KLHL29: variants seen among roughly 807,000 people sequenced by gnomAD.
The protein encoded by KLHL29 is kelch-like protein 29.
Under a neutral mutation model 80.4 loss-of-function variants are expected in KLHL29, and 21 were observed. The observed-to-expected ratio is 0.26, with a 90% confidence interval of 0.19 to 0.38. The LOEUF (loss-of-function observed/expected upper bound fraction) is 0.38. KLHL29 is among the 10% of genes least tolerant of loss of function. The pLI is 1.00. For synonymous variants in KLHL29, 511 were observed against 526.8 expected (o/e 0.97, Z 0.41); for missense variants, 867 against 1,223.9 (o/e 0.71, Z 4.35).
At chr2:23,549,512 G>A (rs538497705) in intron 2 of KLHL29, among the ~76,000 whole-genome samples, 2 of 151,816 alleles carry the variant, frequency 1.3e-5, no homozygotes, top group Non-Finnish European at 2.9e-5. Context: ...GAATAAAGAC[G>A]ATGAAAATCT....
intron 1 of KLHL29, among the ~76,000 whole-genome samples, chr2:23,434,546 C>T (rs558082942): frequency 6.6e-6 from 1 of 152,222 alleles, no homozygotes; most frequent in South Asian, 2.1e-4. Flanking sequence ...TGGAAGTTCT[C>T]CTGATTTCAA....
At chr2:23,549,455 G>C (rs1667066440) in intron 2 of KLHL29, among the ~76,000 whole-genome samples, 1 of 151,952 alleles carries the variant, frequency 6.6e-6, no homozygotes, top group Non-Finnish European at 1.5e-5. Context: ...CTCTGGTCTG[G>C]GCTTCTTTTT....
intron 5 of KLHL29, among the ~76,000 whole-genome samples, chr2:23,663,249 C>CAAGCAACCCAGAAGT (rs1346158695): frequency 1.3e-5 from 2 of 152,256 alleles, no homozygotes; most frequent in Non-Finnish European, 2.9e-5. Flanking sequence ...GGCCCAGTAG[C>CAAGCAACCCAGAAGT]AAGCAACCCA....
chr2:23,589,574 C>T (rs76777644), intron 3 of KLHL29, among the ~76,000 whole-genome samples: 2,020 of 152,334 alleles, frequency 0.013, 27 homozygotes, highest in Middle Eastern at 0.02. Context: ...CCAAGTTGAG[C>T]GGCCTTGGCC....
At chr2:23,658,898 C>T (rs994457674) in intron 5 of KLHL29, among the ~76,000 whole-genome samples, 37 of 152,162 alleles carry the variant, frequency 2.4e-4, no homozygotes, top group African/African-American at 8.7e-4. Flanking sequence ...TGTGACATCC[C>T]GGTTTTCTGG....
intron 5 of KLHL29, among the ~76,000 whole-genome samples, chr2:23,649,552 C>T (rs1005733862): frequency 2.0e-5 from 3 of 152,232 alleles, no homozygotes; most frequent in African/African-American, 4.8e-5. Context: ...CCCCTGGCTG[C>T]CCCAGCCTGC....
chr2:23,691,911 AAG>A, intron 7 of KLHL29, 35 bp downstream of exon 7: 8 of 1,536,446 alleles, frequency 5.2e-6, no homozygotes, highest in Non-Finnish European at 6.1e-6. Flanking sequence ...GCTTGGGGGG[AAG>A]AGTGCAGATG....
Position 23,696,592 on chromosome 2 carries a change from A to C in KLHL29, c.2105+79A>C. On this transcript the variant is annotated intron_variant, in intron 11 of 13. Coordinates refer to ENST00000486442, the MANE Select transcript of KLHL29 (RefSeq NM_052920.2). The surrounding 1 kb of genome is among the most constrained non-coding windows in gnomAD (Gnocchi z 5.5). ...AATCACGTCACTCACTGTACCTCCC[A>C]ACACCCACTCAGTGGCGATGGAGCA... The C allele has an allele frequency of 8.6e-7, 1 of 1,161,432 alleles. No individual in the cohort carries two copies. The highest frequency in any genetic ancestry group is 1.2e-6 in the Non-Finnish European group (1 of 830,472). The allele number at this position is 1,161,432 out of a possible 1,614,324, so 71.9% of individuals were successfully genotyped here.
intron 3 of KLHL29, among the ~76,000 whole-genome samples, chr2:23,638,568 C>T (rs1669680769): frequency 6.6e-6 from 1 of 152,226 alleles, no homozygotes; most frequent in Non-Finnish European, 1.5e-5. Flanking sequence ...CACTTCCCCA[C>T]ACTTCCTCCA....
At chr2:23,627,278 A>G (rs1349187508) in intron 3 of KLHL29, among the ~76,000 whole-genome samples, 4 of 152,168 alleles carry the variant, frequency 2.6e-5, no homozygotes, top group African/African-American at 7.2e-5. Flanking sequence ...AACCACCTCA[A>G]TTCTGAACCA....
Position 23,457,487 on chromosome 2 carries a change from C to T in KLHL29, c.-153-18073C>T, listed in dbSNP as rs958769196. On this transcript the variant is annotated intron_variant, in intron 1 of 13. Coordinates refer to ENST00000486442, the MANE Select transcript of KLHL29 (RefSeq NM_052920.2). This position sits in a 1 kb window ranked among gnomAD's most constrained non-coding sequence, Gnocchi z 4.3. ...GGACCCCTGCGGTGTGAGTGCTACTCCTTTGGCCCCATGGATCACCCCTCA... is the reference window on the plus strand; with the variant it reads ...GGACCCCTGCGGTGTGAGTGCTACTTCTTTGGCCCCATGGATCACCCCTCA... Among the ~76,000 whole-genome samples, 5 of 152,184 alleles carry T rather than the reference C, an allele frequency of 3.3e-5. No homozygotes were observed. Among genetic ancestry groups the T allele is most frequent in the African/African-American group, 1.2e-4 (5 of 41,438 alleles).
rs72784295 is a variant in KLHL29 at position 23,529,149 on chromosome 2, G to A, written c.-45-33003G>A. ...TAGAGACAAGTTCTTGCTCTGTCAC[G>A]CAGGCTGCAGTGTGCAGTGGCACGA... On this transcript the variant is annotated intron_variant, in intron 2 of 13. Transcript: ENST00000486442. Among the ~76,000 whole-genome samples the A allele has an allele frequency of 8.5e-3, 1,301 of 152,256 alleles. 11 individuals are homozygous for A. Among genetic ancestry groups the A allele is most frequent in the Non-Finnish European group, 0.014 (962 of 68,004 alleles).
intron 3 of KLHL29, among the ~76,000 whole-genome samples, chr2:23,605,264 A>G (rs1445754771): frequency 6.6e-6 from 1 of 151,702 alleles, no homozygotes; most frequent in Non-Finnish European, 1.5e-5. Context: ...CAGCCAGCTA[A>G]TTTTTTAATT....
chr2:23,540,844 G>A (rs1197209286), intron 2 of KLHL29, among the ~76,000 whole-genome samples: 3 of 152,228 alleles, frequency 2.0e-5, no homozygotes, highest in Admixed American at 2.0e-4. Context: ...AGTAGGCCCT[G>A]CTTACATCTT....
At chr2:23,470,014 C>CA (rs11317777) in intron 1 of KLHL29, among the ~76,000 whole-genome samples, 2,915 of 128,554 alleles carry the variant, frequency 0.023, 68 homozygotes, top group African/African-American at 0.065. Context: ...TGCTGTGTAT[C>CA]AAAAAAAAAA....
At chr2:23,556,237 C>A (rs1244232792) in intron 2 of KLHL29, among the ~76,000 whole-genome samples, 1 of 152,142 alleles carries the variant, frequency 6.6e-6, no homozygotes, top group Non-Finnish European at 1.5e-5. Flanking sequence ...TGAATCTGGG[C>A]TCAGAGCTGG....
rs1203608132 is a variant in KLHL29 at position 23,670,981 on chromosome 2, CCT to C, written c.941-13416_941-13415del. On this transcript the variant is annotated intron_variant, in intron 5 of 13. Transcript: ENST00000486442. ...CTCTCTCTCTCTCTCTCTCTCTCTC[CCT>C]CCCTCCCTCCCTCCCTCCCCCCCCC... Among the ~76,000 whole-genome samples the C allele has an allele frequency of 1.3e-3, 12 of 9,466 alleles. 2 individuals are homozygous for C. Among genetic ancestry groups the C allele is most frequent in the Non-Finnish European group, 3.0e-3 (11 of 3,672 alleles). The allele number at this position is 9,466 out of a possible 152,430, so 6.2% of individuals were successfully genotyped here.
intron 3 of KLHL29, among the ~76,000 whole-genome samples, chr2:23,623,606 G>A (rs181782491): frequency 0.011 from 1,665 of 152,290 alleles, 9 homozygotes; most frequent in Non-Finnish European, 0.014. Context: ...GCCAGCCGAG[G>A]GGTGTCTGCC....
chr2:23,473,113 C>G (rs930302339), intron 1 of KLHL29, among the ~76,000 whole-genome samples: 7 of 152,106 alleles, frequency 4.6e-5, no homozygotes, highest in Non-Finnish European at 7.4e-5. Flanking sequence ...CTCCTTGTTC[C>G]CCAGCTAGAG....
Sources: gnomAD v4.1 joint callset for allele counts (sites outside exome capture counted in the v4.1 genomes callset) on GRCh38, gnomAD v4.1.1 for gene constraint, Gnocchi (gnomAD v3.1) non-coding constraint, MANE v1.5 for transcripts, NCBI Gene and HGNC (gene_info 2026-07-23, HGNC 2026-07-21) for gene names.